RIMBP2: variants seen among roughly 807,000 people sequenced by gnomAD.
RIMBP2 encodes the protein RIMS-binding protein 2.
A neutral mutation model predicts 118.6 loss-of-function variants in RIMBP2; 48 were observed. The observed-to-expected ratio is 0.40, with a 90% CI of 0.32 to 0.51. The LOEUF is 0.51. RIMBP2 is among the 20% of genes least tolerant of loss of function. RIMBP2 has a pLI of 0.41. For missense variants in RIMBP2, 1,551 were observed against 1,768.3 expected, an observed-to-expected ratio of 0.88 and a Z score of 2.20; for synonymous variants, 762 against 742.9, an observed-to-expected ratio of 1.03 and a Z score of -0.42.
At chr12:130,492,101 G>A (rs1187502742) in intron 4 of RIMBP2, among the ~76,000 whole-genome samples, 5 of 152,248 alleles carry the variant, frequency 3.3e-5, no homozygotes, top group South Asian at 2.1e-4. Context: ...AGGAGCTAAC[G>A]GTGACACTTT....
At chr12:130,440,540 G>T (rs2078032888) in intron 11 of RIMBP2, among the ~76,000 whole-genome samples, 1 of 152,142 alleles carries the variant, frequency 6.6e-6, no homozygotes, top group Non-Finnish European at 1.5e-5. Flanking sequence ...TCTCCTGAAG[G>T]CCCCGAGAGA....
intron 2 of RIMBP2, among the ~76,000 whole-genome samples, chr12:130,594,845 A>G (rs1158184883): frequency 6.6e-6 from 1 of 152,226 alleles, no homozygotes; most frequent in African/African-American, 2.4e-5. Flanking sequence ...TTAACCATAA[A>G]TCATCTTCCA....
At chr12:130,661,297 C>T (rs1456180974) in intron 1 of RIMBP2, among the ~76,000 whole-genome samples, 2 of 152,194 alleles carry the variant, frequency 1.3e-5, no homozygotes, top group African/African-American at 4.8e-5. Context: ...GGGTATCATT[C>T]TCCTGGGCAC....
chr12:130,514,189 C>T (rs1329330875), intron 3 of RIMBP2, among the ~76,000 whole-genome samples: 3 of 152,242 alleles, frequency 2.0e-5, no homozygotes, highest in Non-Finnish European at 4.4e-5. Flanking sequence ...TCTCAAAGCA[C>T]TGCTATTCCT....
chr12:130,619,695 G>T lies in RIMBP2; in HGVS notation c.-217+8627C>A, dbSNP rs990333886. Among the ~76,000 whole-genome samples, 30 of 152,302 alleles carry T rather than the reference G, an allele frequency of 2.0e-4. 1 individual carries two copies. Among genetic ancestry groups the T allele is most frequent in the African/African-American group, 7.2e-4 (30 of 41,564 alleles). On this transcript the variant is annotated intron_variant, in intron 2 of 22. Transcript: ENST00000690449. Reference sequence around the variant, plus strand: ...GACCGCACAGACACCATGGCCCCAGGTTAAAGAGTAAGCTCTAGCTGTGCT... The same window carrying T: ...GACCGCACAGACACCATGGCCCCAGTTTAAAGAGTAAGCTCTAGCTGTGCT...
chr12:130,427,954 T>C (rs893866481), intron 15 of RIMBP2: 49 of 424,444 alleles, frequency 1.2e-4, no homozygotes, highest in Admixed American at 1.3e-4. Flanking sequence ...GCCAAATAGA[T>C]TCCTCTAAAC....
chr12:130,639,186 G>A (rs536223214), intron 1 of RIMBP2, among the ~76,000 whole-genome samples: 6 of 150,224 alleles, frequency 4.0e-5, no homozygotes, highest in Admixed American at 2.6e-4. Flanking sequence ...TCAGGAGTTC[G>A]AGACCAGCCT....
At chr12:130,707,123 G>T (rs1001910989) in intron 1 of RIMBP2, among the ~76,000 whole-genome samples, 2 of 152,344 alleles carry the variant, frequency 1.3e-5, no homozygotes, top group East Asian at 3.9e-4. Context: ...GGTATACACA[G>T]GACAGTGGCC....
At chr12:130,680,596 G>C (rs75841013) in intron 1 of RIMBP2, among the ~76,000 whole-genome samples, 3 of 152,180 alleles carry the variant, frequency 2.0e-5, no homozygotes, top group Non-Finnish European at 2.9e-5. Flanking sequence ...CGCGGCTCTC[G>C]GGGAGAGGCA....
chr12:130,699,778 T>C (rs1184307618), intron 1 of RIMBP2, among the ~76,000 whole-genome samples: 2 of 151,482 alleles, frequency 1.3e-5, no homozygotes, highest in African/African-American at 4.9e-5. Context: ...TGGTGGCAGG[T>C]GCCTGTAATC....
At chr12:130,571,017 G>C (rs2057596044) in intron 2 of RIMBP2, among the ~76,000 whole-genome samples, 2 of 152,150 alleles carry the variant, frequency 1.3e-5, no homozygotes, top group South Asian at 4.2e-4. Flanking sequence ...GCTTAGAACT[G>C]AATTTATGGC....
At chr12:130,436,794 T>G in intron 13 of RIMBP2, 48 bp downstream of exon 13, 7 of 1,310,352 alleles carry the variant, frequency 5.3e-6, no homozygotes, top group Non-Finnish European at 6.9e-6. Flanking sequence ...CCCCGTCCCG[T>G]GGGGTTTGGG....
At chr12:130,509,220 A>G (rs2050663713) in intron 3 of RIMBP2, among the ~76,000 whole-genome samples, 2 of 152,220 alleles carry the variant, frequency 1.3e-5, no homozygotes, top group African/African-American at 4.8e-5. Flanking sequence ...TGAACAGGAC[A>G]GTTTATGCTG....
rs192296292 is a variant in RIMBP2, at chr12:130,655,678, C to G, written c.-351-27222G>C. ...GAGTTCAATTATTCAAACATTCACACACAGGCACACACATGTATATACAGG... is the reference window on the plus strand; with the variant it reads ...GAGTTCAATTATTCAAACATTCACAGACAGGCACACACATGTATATACAGG... On this transcript the variant is annotated intron_variant, in intron 1 of 22. Coordinates refer to ENST00000690449, the MANE Select transcript of RIMBP2 (RefSeq NM_001393629.1). 1.5e-3 allele frequency among the ~76,000 whole-genome samples: 222 copies of G among 152,348 alleles called. 1 individual carries two copies. The highest frequency in any genetic ancestry group is 5.1e-3 in the African/African-American group (212 of 41,588).
At chr12:130,585,088 C>T (rs555172604) in intron 2 of RIMBP2, among the ~76,000 whole-genome samples, 1 of 152,256 alleles carries the variant, frequency 6.6e-6, no homozygotes, top group African/African-American at 2.4e-5. Flanking sequence ...TGAGGTCTCG[C>T]TCTGTTGCCC....
intron 1 of RIMBP2, among the ~76,000 whole-genome samples, chr12:130,657,385 A>G (rs928551207): frequency 1.3e-5 from 2 of 152,228 alleles, no homozygotes; most frequent in African/African-American, 4.8e-5. Flanking sequence ...GCCAGGAAAT[A>G]AAGCAGAGAT....
At chr12:130,681,278 T>TA (rs1009009422) in intron 1 of RIMBP2, among the ~76,000 whole-genome samples, 16 of 142,300 alleles carry the variant, frequency 1.1e-4, no homozygotes, top group Admixed American at 8.4e-4. Flanking sequence ...ACCCTATCTC[T>TA]AAAAAAAAAT....
intron 1 of RIMBP2, among the ~76,000 whole-genome samples, chr12:130,640,848 A>G (rs1462512649): frequency 6.6e-6 from 1 of 152,222 alleles, no homozygotes; most frequent in African/African-American, 2.4e-5. Context: ...CTGGGCCACC[A>G]AGGTTTTCAA....
At chr12:130,495,959 G>C (rs1453778178) in intron 4 of RIMBP2, among the ~76,000 whole-genome samples, 2 of 152,190 alleles carry the variant, frequency 1.3e-5, no homozygotes, top group Non-Finnish European at 2.9e-5. Flanking sequence ...CTTTGAATTA[G>C]GTCATGCTAC....
Sources: gnomAD v4.1 joint callset for allele counts (sites outside exome capture counted in the v4.1 genomes callset) on GRCh38, gnomAD v4.1.1 for gene constraint, MANE v1.5 for transcripts, NCBI Gene and HGNC (gene_info 2026-07-23, HGNC 2026-07-21) for gene names.